The following CBLB variants were observed in gnomAD, a reference collection of about 807,000 sequenced individuals.
The protein encoded by CBLB is E3 ubiquitin-protein ligase CBL-B.
CBLB carries 31 observed loss-of-function variants against 104.9 expected under a neutral mutation model. The ratio of observed to expected loss-of-function variants is 0.30; its 90% CI spans 0.22 to 0.40. CBLB has a LOEUF of 0.40. Among genes scored for constraint, CBLB ranks in the 10% least tolerant of loss-of-function variants. The pLI, the probability that CBLB is intolerant of heterozygous loss-of-function variation, is 1.00. For missense variants in CBLB, 1,062 were observed against 1,214.6 expected, an observed-to-expected ratio of 0.87 and a Z score of 1.87; for synonymous variants, 440 against 422.6, an observed-to-expected ratio of 1.04 and a Z score of -0.51.
intron 3 of CBLB, among the ~76,000 whole-genome samples, chr3:105,844,716 A>G (rs2090014374): frequency 6.6e-6 from 1 of 152,148 alleles, no homozygotes; most frequent in Non-Finnish European, 1.5e-5. Flanking sequence ...CATGAATACT[A>G]TTTTACACCC....
chr3:105,674,348 CT>C (rs1177224726), intron 17 of CBLB, among the ~76,000 whole-genome samples: 1 of 152,206 alleles, frequency 6.6e-6, no homozygotes, highest in Admixed American at 6.5e-5. Flanking sequence ...TCTGGATTTT[CT>C]TCATATTTTA....
intron 3 of CBLB, among the ~76,000 whole-genome samples, chr3:105,832,398 A>C (rs1396276986): frequency 2.6e-5 from 4 of 152,134 alleles, no homozygotes; most frequent in Admixed American, 6.5e-5. Flanking sequence ...TTTACTTGTA[A>C]CTCTGATACT....
intron 6 of CBLB, among the ~76,000 whole-genome samples, chr3:105,744,134 G>A (rs1000002359): frequency 6.6e-6 from 1 of 152,112 alleles, no homozygotes; most frequent in African/African-American, 2.4e-5. Flanking sequence ...CCTGGCTGTT[G>A]TTCTCAATAT....
rs542232166 is a variant in CBLB at position 105,769,125 on chromosome 3, C to A, written c.566+7271G>T. 4.6e-5 allele frequency among the ~76,000 whole-genome samples: 7 copies of A among 151,998 alleles called. No individual in the cohort carries two copies. In the East Asian group the frequency reaches 1.4e-3, roughly 30 times the overall value. ...GGTCAGGAGTTTGAGACCAGCCTGGCCAACATGGAGAAACTCCACGTCTAC... is the reference window on the plus strand; with the variant it reads ...GGTCAGGAGTTTGAGACCAGCCTGGACAACATGGAGAAACTCCACGTCTAC... On this transcript the variant is annotated intron_variant, in intron 4 of 18. Transcript: ENST00000394030.
intron 10 of CBLB, among the ~76,000 whole-genome samples, chr3:105,707,771 T>G (rs1245001640): frequency 6.6e-6 from 1 of 152,114 alleles, no homozygotes; most frequent in Non-Finnish European, 1.5e-5. Flanking sequence ...AATTAATTTA[T>G]TGGATGAGAT....
At chr3:105,811,974 A>G (rs1010245194) in intron 3 of CBLB, among the ~76,000 whole-genome samples, 1 of 152,022 alleles carries the variant, frequency 6.6e-6, no homozygotes, top group South Asian at 2.1e-4. Flanking sequence ...AAGTGCTAGG[A>G]TTACAGGCAT....
In CBLB at chr3:105,826,056, T is replaced by C. The variant is rs139034831; in HGVS notation, c.419+27358A>G. On this transcript the variant is annotated intron_variant, in intron 3 of 18. Coordinates refer to ENST00000394030, the MANE Select transcript of CBLB (RefSeq NM_170662.5). The stretch of plus-strand genomic sequence containing the variant: ...TTTCCTTGACTTTTGAAATTTAACG[T>C]CAAGCACACTGGAGTTTGAAATGGC... 5.7e-4 allele frequency among the ~76,000 whole-genome samples: 87 copies of C among 152,212 alleles called. 2 individuals carry two copies. The East Asian group carries it at 0.016, about 28-fold the overall frequency.
intron 18 of CBLB, among the ~76,000 whole-genome samples, chr3:105,665,448 C>T (rs890709438): frequency 7.3e-6 from 1 of 136,600 alleles, no homozygotes; most frequent in Admixed American, 7.3e-5. Context: ...TATATACACA[C>T]ACACACACAT....
At chr3:105,732,914 T>C (rs1313639952) in intron 9 of CBLB, among the ~76,000 whole-genome samples, 1 of 152,214 alleles carries the variant, frequency 6.6e-6, no homozygotes, top group Admixed American at 6.5e-5. Context: ...ATTTGCTTTC[T>C]AAACCCTATC....
chr3:105,857,689 T>C (rs1202946218), intron 2 of CBLB, among the ~76,000 whole-genome samples: 4 of 152,210 alleles, frequency 2.6e-5, no homozygotes, highest in Admixed American at 6.5e-5. Flanking sequence ...TTTTATTCCA[T>C]TTGCAAATTT....
intron 3 of CBLB, among the ~76,000 whole-genome samples, chr3:105,803,932 A>G (rs1190932355): frequency 2.0e-5 from 3 of 152,186 alleles, no homozygotes; most frequent in Non-Finnish European, 4.4e-5. Flanking sequence ...TTTTTAGGGT[A>G]ATGTCGAGAG....
intron 12 of CBLB, among the ~76,000 whole-genome samples, chr3:105,696,437 A>T (rs1045969914): frequency 4.0e-5 from 6 of 151,858 alleles, no homozygotes; most frequent in African/African-American, 1.4e-4. Flanking sequence ...ACAATAAATC[A>T]CAACTTTGGG....
chr3:105,683,119 G>C (rs1311431137), intron 14 of CBLB, among the ~76,000 whole-genome samples: 1 of 152,220 alleles, frequency 6.6e-6, no homozygotes, highest in Non-Finnish European at 1.5e-5. Flanking sequence ...TAAGGGGCCA[G>C]ATATAGTTCA....
At chr3:105,780,657 T>TTTTTTTTTTTG (rs2080102098) in intron 3 of CBLB, among the ~76,000 whole-genome samples, 3 of 97,308 alleles carry the variant, frequency 3.1e-5, no homozygotes. Flanking sequence ...AGTTTTGTTT[T>TTTTTTTTTTTG]TTGTTTTTTT....
intron 11 of CBLB, among the ~76,000 whole-genome samples, chr3:105,703,729 ATAAC>A (rs1341726132): frequency 1.3e-5 from 2 of 152,214 alleles, no homozygotes; most frequent in South Asian, 4.1e-4. Context: ...ATTTTACAAA[ATAAC>A]TATACTTACT....
At chr3:105,842,695 T>C (rs1433724190) in intron 3 of CBLB, among the ~76,000 whole-genome samples, 2 of 152,140 alleles carry the variant, frequency 1.3e-5, no homozygotes, top group Non-Finnish European at 2.9e-5. Flanking sequence ...TCCTGCCTTG[T>C]GTCCTTAAAA....
upstream of CBLB, chr3:105,869,062 C>CGG (rs558118903): frequency 6.9e-6 from 2 of 289,758 alleles, no homozygotes; most frequent in Admixed American, 5.7e-5. Flanking sequence ...CGGGGCGGGG[C>CGG]GGGGGCGGGG....
chr3:105,680,838 C>T (rs1188972362), intron 16 of CBLB, among the ~76,000 whole-genome samples: 4 of 152,188 alleles, frequency 2.6e-5, no homozygotes, highest in Non-Finnish European at 5.9e-5. Flanking sequence ...GGGTGAGATG[C>T]TTCCTAATTA....
At chr3:105,776,994 G>A (rs1254225581) in intron 3 of CBLB, among the ~76,000 whole-genome samples, 1 of 152,026 alleles carries the variant, frequency 6.6e-6, no homozygotes, top group Non-Finnish European at 1.5e-5. Context: ...AGGAGAGAAA[G>A]GGAGGATGCA....
Sources: allele counts gnomAD v4.1 joint callset (sites outside exome capture counted in the v4.1 genomes callset), GRCh38; gene constraint gnomAD v4.1.1; transcripts MANE v1.5; gene names NCBI Gene and HGNC (gene_info 2026-07-23, HGNC 2026-07-21).